The following PARVA variants were observed in gnomAD, a reference collection of about 807,000 sequenced individuals.
PARVA encodes the protein parvin alpha.
A neutral mutation model predicts 52.6 loss-of-function variants in PARVA; 25 were observed. That is an observed-to-expected ratio of 0.48 (90% CI 0.35 to 0.66). The LOEUF is 0.66. Among genes scored for constraint, PARVA ranks in the 30% least tolerant of loss-of-function variants. The pLI is 0.01. For missense variants in PARVA, 373 were observed against 450.9 expected (o/e 0.83, Z 1.56); for synonymous variants, 185 against 179.1 (o/e 1.03, Z -0.26).
chr11:12,380,162 G>C (rs933284751), intron 1 of PARVA, among the ~76,000 whole-genome samples: 2 of 152,002 alleles, frequency 1.3e-5, no homozygotes, highest in African/African-American at 2.4e-5. Flanking sequence ...TGTCTCTTTA[G>C]TTTCAGACAG....
chr11:12,518,482 A>G lies in PARVA; in HGVS notation c.1007A>G (p.Asp336Gly), dbSNP rs878857923. The change falls in exon 12 of 13, where the codon GAT becomes GGT. Residue 336 changes from aspartate to glycine, a missense_variant. Asp to Gly is a moderately conservative substitution (Grantham distance 94). Transcript: ENST00000334956. ...NVSFAFELMQ[D>G]GGLEKPKPRP... ...TCCTTTGCCTTTGAGCTCATGCAAG[A>G]TGGAGGGTTGGAAAAGCCAAAACCG... 17 of 1,613,756 alleles carry G rather than the reference A, an allele frequency of 1.1e-5. No homozygotes were observed. Among genetic ancestry groups the G allele is most frequent in the Non-Finnish European group, 1.3e-5 (15 of 1,179,810 alleles).
chr11:12,451,915 T>A (rs1940628401), intron 1 of PARVA, among the ~76,000 whole-genome samples: 1 of 152,094 alleles, frequency 6.6e-6, no homozygotes, highest in African/African-American at 2.4e-5. Context: ...AAAGAGCCCC[T>A]TTCTCAAATG....
intron 4 of PARVA, among the ~76,000 whole-genome samples, chr11:12,482,021 T>G (rs969682301): frequency 6.6e-6 from 1 of 151,126 alleles, no homozygotes; most frequent in Non-Finnish European, 1.5e-5. Flanking sequence ...TACAAAAAAT[T>G]AGCCGGGCAT....
At chr11:12,525,609 T>G (rs1253814185) in intron 12 of PARVA, among the ~76,000 whole-genome samples, 1 of 152,120 alleles carries the variant, frequency 6.6e-6, no homozygotes, top group Non-Finnish European at 1.5e-5. Context: ...AGGACAGGAA[T>G]TGGCCTAGAG....
chr11:12,520,501 G>T (rs1589990909), intron 12 of PARVA, among the ~76,000 whole-genome samples: 2 of 152,190 alleles, frequency 1.3e-5, no homozygotes, highest in Admixed American at 6.5e-5. Flanking sequence ...TGCATTCTCT[G>T]CTGTGCTGTT....
chr11:12,377,599 C>G lies in PARVA; in HGVS notation c.-49C>G. 6.6e-7 allele frequency: 1 copy of G among 1,522,764 alleles called. No homozygotes were observed. The highest frequency in any genetic ancestry group is 2.2e-5 in the Admixed American group (1 of 45,232). The allele number at this position is 1,522,764 out of a possible 1,614,324, so 94.3% of individuals were successfully genotyped here. On this transcript the variant is annotated 5_prime_UTR_variant, in exon 1 of 13. Coordinates refer to ENST00000334956, the MANE Select transcript of PARVA (RefSeq NM_018222.5). ...CCCGCCGCCGCCCGCTGCGTCCGCC[C>G]AGCGCCAGCTCCGCGTCCCGACCGG...
At chr11:12,491,775 C>A (rs78660983) in intron 4 of PARVA, among the ~76,000 whole-genome samples, 3,905 of 152,212 alleles carry the variant, frequency 0.026, 101 homozygotes, top group East Asian at 0.11. Flanking sequence ...TAACATACTT[C>A]TCTTAATAAC....
chr11:12,503,832 T>C (rs1014108915), intron 5 of PARVA, among the ~76,000 whole-genome samples: 2 of 152,170 alleles, frequency 1.3e-5, no homozygotes, highest in African/African-American at 2.4e-5. Flanking sequence ...ATTGGGTGGA[T>C]ATATTAGGCT....
At chr11:12,448,953 T>G (rs916159854) in intron 1 of PARVA, among the ~76,000 whole-genome samples, 3 of 152,202 alleles carry the variant, frequency 2.0e-5, no homozygotes, top group African/African-American at 7.2e-5. Flanking sequence ...TAAACCACTG[T>G]GAGTTGACAT....
intron 12 of PARVA, among the ~76,000 whole-genome samples, chr11:12,525,169 T>C: frequency 6.6e-6 from 1 of 152,042 alleles, no homozygotes; most frequent in East Asian, 1.9e-4. Context: ...GCAGGTCGGG[T>C]CAGGTTACGC....
At position 12,477,252 on chromosome 11, in the gene PARVA, G is replaced by A. The variant is rs545932470; in HGVS notation, c.298-595G>A. On this transcript the variant is annotated intron_variant, in intron 3 of 12. Transcript: ENST00000334956. ...TGGGATTACAGGCACCTATCACCAC[G>A]CCTGACTAATCTTTGTAGTTTTAGT... 4.6e-5 allele frequency: 7 copies of A among 152,282 alleles called. No homozygotes were observed. The East Asian group carries it at 7.7e-4, about 17-fold the overall frequency. The allele number at this position is 152,282 out of a possible 1,614,324, so 9.4% of individuals were successfully genotyped here.
At chr11:12,513,784 C>T (rs1210398448) in intron 9 of PARVA, 2 of 600,808 alleles carry the variant, frequency 3.3e-6, no homozygotes, top group African/African-American at 3.7e-5. Flanking sequence ...TCCTTACACG[C>T]CCTGAGTTGT....
At chr11:12,447,999 A>G (rs1278326611) in intron 1 of PARVA, among the ~76,000 whole-genome samples, 1 of 152,242 alleles carries the variant, frequency 6.6e-6, no homozygotes, top group Non-Finnish European at 1.5e-5. Flanking sequence ...TGTCTGGTAC[A>G]AAATAAACCT....
chr11:12,434,528 A>G (rs914471416), intron 1 of PARVA, among the ~76,000 whole-genome samples: 5 of 151,924 alleles, frequency 3.3e-5, no homozygotes, highest in Non-Finnish European at 7.4e-5. Context: ...GCCCCCAACC[A>G]TGTGACTTTG....
intron 1 of PARVA, among the ~76,000 whole-genome samples, chr11:12,383,532 C>T (rs1055013247): frequency 3.9e-5 from 6 of 152,212 alleles, no homozygotes; most frequent in Non-Finnish European, 7.3e-5. Flanking sequence ...TTCTCATTGG[C>T]TGCCCAGTGT....
intron 1 of PARVA, among the ~76,000 whole-genome samples, chr11:12,409,363 G>A (rs1038198210): frequency 2.0e-5 from 3 of 152,176 alleles, no homozygotes; most frequent in African/African-American, 7.2e-5. Flanking sequence ...GCCCGAAAGT[G>A]TCTATGTCCT....
chr11:12,384,723 G>A (rs3886657), intron 1 of PARVA, among the ~76,000 whole-genome samples: 1,556 of 152,206 alleles, frequency 0.01, 27 homozygotes, highest in African/African-American at 0.036. Flanking sequence ...AGACCTTGGG[G>A]CAGGTGTGGA....
chr11:12,470,371 A>G (rs1158560100), intron 1 of PARVA, among the ~76,000 whole-genome samples: 1 of 152,220 alleles, frequency 6.6e-6, no homozygotes, highest in Non-Finnish European at 1.5e-5. Flanking sequence ...CTTTGCATAT[A>G]TTAACTCATT....
intron 1 of PARVA, among the ~76,000 whole-genome samples, chr11:12,396,771 G>C (rs1251895849): frequency 6.6e-6 from 1 of 152,094 alleles, no homozygotes; most frequent in Non-Finnish European, 1.5e-5. Context: ...TTAGGTTTAT[G>C]GTAAAACAGA....
Sources: allele counts gnomAD v4.1 joint callset (sites outside exome capture counted in the v4.1 genomes callset), GRCh38; gene constraint gnomAD v4.1.1; transcripts MANE v1.5; gene names NCBI Gene and HGNC (gene_info 2026-07-23, HGNC 2026-07-21).